Variants in DLG2 observed in about 807,000 individuals in gnomAD.
DLG2 encodes the protein disks large homolog 2.
DLG2 carries 45 observed loss-of-function variants against 132.5 expected under a neutral mutation model. That is an observed-to-expected ratio of 0.34 (90% CI 0.27 to 0.44). The LOEUF is 0.44. Among genes scored for constraint, DLG2 ranks in the 20% least tolerant of loss-of-function variants. The pLI, the probability that DLG2 is intolerant of heterozygous loss-of-function variation, is 1.00. For missense variants in DLG2, 1,045 were observed against 1,196.9 expected (o/e 0.87, Z 1.87); for synonymous variants, 424 against 419.6 (o/e 1.01, Z -0.13).
At chr11:84,608,306 T>C (rs1025873716) in intron 6 of DLG2, among the ~76,000 whole-genome samples, 1 of 152,132 alleles carries the variant, frequency 6.6e-6, no homozygotes, top group Non-Finnish European at 1.5e-5. Context: ...TCCTATTTCT[T>C]CTTTGTTTGT....
At chr11:84,881,357 TACTC>T (rs2087306017) in intron 6 of DLG2, among the ~76,000 whole-genome samples, 1 of 152,130 alleles carries the variant, frequency 6.6e-6, no homozygotes, top group Non-Finnish European at 1.5e-5. Context: ...CTTTGCCAAA[TACTC>T]CTCCTCTCTC....
rs189855723 is a variant in DLG2, at chr11:83,970,337, G to A, written c.1057-4869C>T. ...TTTGCTAACAGAGTCTTCAGACCAC[G>A]AGGAAAATTTTTAGACCATAAAGCA... On this transcript the variant is annotated intron_variant, in intron 12 of 27. Coordinates refer to ENST00000376104, the MANE Select transcript of DLG2 (RefSeq NM_001142699.3). Among the ~76,000 whole-genome samples the A allele has an allele frequency of 3.2e-3, 490 of 152,272 alleles. 2 individuals carry two copies. Among genetic ancestry groups the A allele is most frequent in the African/African-American group, 0.011 (474 of 41,562 alleles).
chr11:85,197,710 T>C (rs2081172076), intron 4 of DLG2, among the ~76,000 whole-genome samples: 1 of 152,190 alleles, frequency 6.6e-6, no homozygotes, highest in Non-Finnish European at 1.5e-5. Flanking sequence ...CTTTATTTTA[T>C]AAACAAAGAG....
chr11:84,459,907 A>C (rs147698970), intron 7 of DLG2, among the ~76,000 whole-genome samples: 2 of 150,718 alleles, frequency 1.3e-5, no homozygotes, highest in Non-Finnish European at 3.0e-5. Context: ...ATAATGTTAA[A>C]GCATAATAGG....
chr11:84,698,737 C>T (rs1305275687), intron 6 of DLG2, among the ~76,000 whole-genome samples: 1 of 151,442 alleles, frequency 6.6e-6, no homozygotes, highest in Non-Finnish European at 1.5e-5. Flanking sequence ...ATATACATTG[C>T]TTTAAAGATG....
At chr11:85,021,067 C>T in intron 6 of DLG2, 1 of 773,476 alleles carries the variant, frequency 1.3e-6, no homozygotes, top group Admixed American at 1.7e-5. Context: ...AGGAGAGAAT[C>T]CACTTTTTGT....
intron 14 of DLG2, among the ~76,000 whole-genome samples, chr11:83,935,303 G>A (rs1298388475): frequency 2.0e-5 from 3 of 152,198 alleles, no homozygotes; most frequent in Non-Finnish European, 2.9e-5. Flanking sequence ...ATTTGGAAAA[G>A]TATAAGAGGA....
chr11:84,447,614 A>G lies in DLG2; in HGVS notation c.519+86956T>C, dbSNP rs929364708. On this transcript the variant is annotated intron_variant, in intron 7 of 27. Coordinates refer to ENST00000376104, the MANE Select transcript of DLG2 (RefSeq NM_001142699.3). ...TGTCTCTTTTCTGAGACAAATAAATATCTTCTTGAGCCTTATGAGTAGTTT... is the reference window on the plus strand; with the variant it reads ...TGTCTCTTTTCTGAGACAAATAAATGTCTTCTTGAGCCTTATGAGTAGTTT... Among the ~76,000 whole-genome samples, 44 of 152,160 alleles carry G rather than the reference A, an allele frequency of 2.9e-4. 1 individual carries two copies. Among genetic ancestry groups the G allele is most frequent in the Middle Eastern group, 3.4e-3 (1 of 292 alleles).
intron 3 of DLG2, among the ~76,000 whole-genome samples, chr11:85,456,611 T>C (rs2153050075): frequency 6.6e-6 from 1 of 152,356 alleles, no homozygotes; most frequent in African/African-American, 2.4e-5. Flanking sequence ...TTTAGTGCTA[T>C]AAACTTCCCT....
chr11:84,327,365 G>C (rs2098437816), intron 7 of DLG2, among the ~76,000 whole-genome samples: 1 of 152,034 alleles, frequency 6.6e-6, no homozygotes, highest in South Asian at 2.1e-4. Context: ...TTGCAGTTGT[G>C]AGACACCGTG....
intron 7 of DLG2, among the ~76,000 whole-genome samples, chr11:84,358,868 A>G (rs1427995997): frequency 4.6e-5 from 7 of 151,986 alleles, no homozygotes; most frequent in Non-Finnish European, 4.4e-5. Context: ...AAAGAAATTG[A>G]GGGACATATG....
chr11:84,522,693 G>A (rs929055171), intron 7 of DLG2, among the ~76,000 whole-genome samples: 1 of 152,100 alleles, frequency 6.6e-6, no homozygotes, highest in African/African-American at 2.4e-5. Context: ...ACAACATTCT[G>A]TCTTATATAA....
At chr11:85,082,700 CAG>C (rs1176334225) in intron 6 of DLG2, among the ~76,000 whole-genome samples, 2 of 146,728 alleles carry the variant, frequency 1.4e-5, no homozygotes, top group Non-Finnish European at 3.0e-5. Flanking sequence ...AGGAACCAAA[CAG>C]AGAAACCAAG....
At position 85,539,345 on chromosome 11, in the gene DLG2, T is replaced by G. The variant is rs149494108; in HGVS notation, c.40+59312A>C. Among the ~76,000 whole-genome samples the G allele has an allele frequency of 3.9e-5, 6 of 152,348 alleles. No individual in the cohort carries two copies. The East Asian group carries it at 1.2e-3, about 29-fold the overall frequency. ...TATTTCTGAAGTTTCTTGGGCTGCATAAAACTTTGATTAAATGAATTGTTA... is the reference window on the plus strand; with the variant it reads ...TATTTCTGAAGTTTCTTGGGCTGCAGAAAACTTTGATTAAATGAATTGTTA... On this transcript the variant is annotated intron_variant, in intron 3 of 27. Coordinates refer to ENST00000376104, the MANE Select transcript of DLG2 (RefSeq NM_001142699.3).
intron 18 of DLG2, chr11:83,724,789 CT>C: frequency 1.4e-6 from 1 of 697,146 alleles, no homozygotes; most frequent in Non-Finnish European, 2.6e-6. Flanking sequence ...TTTCATTTTA[CT>C]GGCCACACCT....
chr11:84,236,932 T>C (rs2097165461), intron 8 of DLG2, among the ~76,000 whole-genome samples: 1 of 138,128 alleles, frequency 7.2e-6, no homozygotes, highest in Admixed American at 7.1e-5. Flanking sequence ...TGTTTTTTTT[T>C]TTGTTTTTTT....
chr11:84,433,386 G>C (rs1456088277), intron 7 of DLG2, among the ~76,000 whole-genome samples: 1 of 152,074 alleles, frequency 6.6e-6, no homozygotes, highest in Non-Finnish European at 1.5e-5. Context: ...AGACAATCTG[G>C]AGATTGTCTA....
intron 6 of DLG2, among the ~76,000 whole-genome samples, chr11:84,774,775 A>G (rs1481694273): frequency 5.9e-5 from 9 of 152,128 alleles, no homozygotes; most frequent in Admixed American, 5.9e-4. Context: ...ACTTTTCATC[A>G]TGTACAAAAA....
chr11:84,418,185 G>A (rs1408382249), intron 7 of DLG2, among the ~76,000 whole-genome samples: 1 of 152,142 alleles, frequency 6.6e-6, no homozygotes, highest in Non-Finnish European at 1.5e-5. Context: ...TTATTTGTAT[G>A]TTGGGCTCTT....
Sources: allele counts gnomAD v4.1 joint callset (sites outside exome capture counted in the v4.1 genomes callset), GRCh38; gene constraint gnomAD v4.1.1; transcripts MANE v1.5; gene names NCBI Gene and HGNC (gene_info 2026-07-23, HGNC 2026-07-21).